Variants in PRC1 observed in about 807,000 individuals in gnomAD.
The protein encoded by PRC1 is protein regulator of cytokinesis 1.
A neutral mutation model predicts 91.2 loss-of-function variants in PRC1; 54 were observed. That is an observed-to-expected ratio of 0.59 (90% CI 0.48 to 0.74). PRC1 has a LOEUF of 0.74. Among genes scored for constraint, PRC1 ranks in the 30% least tolerant of loss-of-function variants. The pLI, the probability that PRC1 is intolerant of heterozygous loss-of-function variation, is 0.00. For synonymous variants in PRC1, 275 were observed against 263.6 expected, an observed-to-expected ratio of 1.04 and a Z score of -0.42; for missense variants, 727 against 746.2, an observed-to-expected ratio of 0.97 and a Z score of 0.30.
chr15:90,991,031 C>T (rs188423069), intron 1 of PRC1, among the ~76,000 whole-genome samples: 1 of 151,534 alleles, frequency 6.6e-6, no homozygotes, highest in Non-Finnish European at 1.5e-5. Flanking sequence ...ACCGCCTCGG[C>T]CTCCCAAAGT....
chr15:90,986,893 G>GAA (rs56935179), intron 1 of PRC1, among the ~76,000 whole-genome samples: 77 of 145,040 alleles, frequency 5.3e-4, no homozygotes, highest in African/African-American at 9.6e-4. Flanking sequence ...GAAGAGGAAG[G>GAA]AAAAAAAAAA....
At chr15:90,976,593 G>A (rs1050978913) in intron 9 of PRC1, 83 bp downstream of exon 9, 10 of 1,167,690 alleles carry the variant, frequency 8.6e-6, no homozygotes, top group Middle Eastern at 3.9e-4. Context: ...TAGTTTTGGG[G>A]CTAAACAATA....
chr15:90,968,241 C>T (rs2037709046), intron 14 of PRC1: 1 of 985,410 alleles, frequency 1.0e-6, no homozygotes, highest in Non-Finnish European at 1.2e-6. Context: ...GCCAGAGTGA[C>T]ACACACCCAC....
At position 90,974,367 on chromosome 15, in the gene PRC1, G is replaced by A. The variant is rs1055189761; in HGVS notation, c.1351-121C>T. The stretch of plus-strand genomic sequence containing the variant: ...CTACAGCCAGAGCTAAAGAGCTGCC[G>A]CGGGCTCCCCGTTCCACAAGCCCCG... On this transcript the variant is annotated intron_variant, in intron 10 of 14. Coordinates refer to ENST00000394249, the MANE Select transcript of PRC1 (RefSeq NM_003981.4). This position sits in a 1 kb window ranked among gnomAD's most constrained non-coding sequence, Gnocchi z 4.6. The A allele has an allele frequency of 1.4e-5, 14 of 1,034,014 alleles. No individual in the cohort carries two copies. The highest frequency in any genetic ancestry group is 5.0e-5 in the East Asian group (2 of 39,992). 64.1% of individuals were successfully genotyped at this position (1,034,014 alleles called of 1,614,324 possible).
intron 9 of PRC1, among the ~76,000 whole-genome samples, chr15:90,975,484 A>C (rs1169350862): frequency 6.6e-6 from 1 of 152,220 alleles, no homozygotes; most frequent in Non-Finnish European, 1.5e-5. Context: ...TCACTAAATG[A>C]GAGCGTTTTG....
intron 1 of PRC1, among the ~76,000 whole-genome samples, chr15:90,993,442 G>A (rs1451890420): frequency 6.6e-6 from 1 of 152,110 alleles, no homozygotes; most frequent in Non-Finnish European, 1.5e-5. Context: ...CTGAGGGCAA[G>A]CATTTTAAAA....
chr15:90,991,197 C>G (rs1174490184), intron 1 of PRC1, among the ~76,000 whole-genome samples: 1 of 151,712 alleles, frequency 6.6e-6, no homozygotes, highest in Admixed American at 6.6e-5. Context: ...GGGCGGATCA[C>G]CTGAGATCAG....
At chr15:90,976,901 C>T (rs12595025) in intron 8 of PRC1, 130 bp from the exon 9 acceptor site, 112,499 of 654,552 alleles carry the variant, frequency 0.17, 12,423 homozygotes, top group East Asian at 0.49. Context: ...GAGGCCGAGG[C>T]GAGTGGATCA....
At chr15:90,975,144 C>T (rs543803803) in intron 9 of PRC1, among the ~76,000 whole-genome samples, 4 of 152,318 alleles carry the variant, frequency 2.6e-5, no homozygotes, top group South Asian at 2.1e-4. Flanking sequence ...CTCACTCTGT[C>T]GCCCAGGCTA....
chr15:90,986,306 T>G (rs950292582), intron 1 of PRC1, among the ~76,000 whole-genome samples: 13 of 152,202 alleles, frequency 8.5e-5, no homozygotes, highest in Non-Finnish European at 1.6e-4. Context: ...GAATAGTACA[T>G]TCCTACAATG....
In PRC1 at chr15:90,980,993, C is replaced by A. The variant is rs1332842819; in HGVS notation, c.713G>T (p.Gly238Val). The A allele has an allele frequency of 6.2e-7, 1 of 1,614,196 alleles. No homozygotes were observed. ...GAGCTCTCGGATTTGAGTACGCAGC[C>A]CCTCACACACTGCTTCATTTTGTGA... ...QKSQNEAVCE[G>V]LRTQIRELWD... Residue 238 changes from glycine (G) to valine (V), a missense_variant, in exon 6 of 15, where the codon GGG becomes GTG. Gly to Val is a moderately radical substitution (Grantham distance 109). Transcript: ENST00000394249.
At chr15:90,975,374 G>A (rs945909038) in intron 9 of PRC1, among the ~76,000 whole-genome samples, 28 of 152,090 alleles carry the variant, frequency 1.8e-4, no homozygotes, top group African/African-American at 5.3e-4. Flanking sequence ...GAGACACCAC[G>A]CCCGGCCAGA....
chr15:90,993,885 C>T (rs548773281), intron 1 of PRC1, among the ~76,000 whole-genome samples: 2 of 151,874 alleles, frequency 1.3e-5, no homozygotes, highest in Non-Finnish European at 2.9e-5. Context: ...GAGTTCGAGA[C>T]CAGCCTGGCC....
intron 1 of PRC1, among the ~76,000 whole-genome samples, chr15:90,990,864 T>C (rs938492978): frequency 5.9e-5 from 9 of 151,844 alleles, no homozygotes; most frequent in Admixed American, 3.9e-4. Context: ...CTGCAACCTC[T>C]GCCTTCTGGG....
rs757317008 is a variant in PRC1, at chr15:90,970,390, CAG to C, written c.1572+12_1572+13del. Reference sequence around the variant, plus strand: ...ACGCATGTGAGGATGTGCTTAGACACAGGGCATACTAACCTTGCTGCCAGAAG... The same window carrying C: ...ACGCATGTGAGGATGTGCTTAGACACGGCATACTAACCTTGCTGCCAGAAG... On this transcript the variant is annotated intron_variant, in intron 12 of 14. Transcript: ENST00000394249. The C allele has an allele frequency of 1.2e-5, 18 of 1,560,440 alleles. No individual in the cohort carries two copies. Among genetic ancestry groups the C allele is most frequent in the African/African-American group, 9.5e-5 (7 of 73,636 alleles).
chr15:90,994,263 A>G (rs2040163182), intron 1 of PRC1, 144 bp downstream of exon 1: 14 of 1,311,654 alleles, frequency 1.1e-5, no homozygotes, highest in Admixed American at 4.3e-5. Flanking sequence ...CCTGCCCCTC[A>G]GCGCCCCCGG....
chr15:90,991,237 G>A (rs1213259020), intron 1 of PRC1, among the ~76,000 whole-genome samples: 1 of 150,954 alleles, frequency 6.6e-6, no homozygotes, highest in Non-Finnish European at 1.5e-5. Context: ...CCAACATGGT[G>A]AAACCCCATC....
chr15:90,966,580 C>G lies in PRC1; in HGVS notation c.*551G>C, dbSNP rs2037505895. The G allele has an allele frequency of 2.2e-6, 1 of 456,148 alleles. No individual in the cohort carries two copies. Among genetic ancestry groups the G allele is most frequent in the Non-Finnish European group, 4.4e-6 (1 of 226,834 alleles). 28.3% of individuals were successfully genotyped at this position (456,148 alleles called of 1,614,324 possible). The stretch of plus-strand genomic sequence containing the variant: ...ACAAAGCTGCTCCCAGCCTTCCTGT[C>G]ACCTCTTTGGCAGTAGGGCAGGCCA... On this transcript the variant is annotated 3_prime_UTR_variant, in exon 15 of 15. Coordinates refer to ENST00000394249, the MANE Select transcript of PRC1 (RefSeq NM_003981.4).
chr15:90,970,090 G>C lies in PRC1; in HGVS notation c.1572+314C>G, dbSNP rs78655372. Among the ~76,000 whole-genome samples, 583 of 152,206 alleles carry C rather than the reference G, an allele frequency of 3.8e-3. 8 individuals are homozygous for C. The highest frequency in any genetic ancestry group is 0.014 in the African/African-American group (561 of 41,524). ...TTCACTGGGCTAGAACCCACATGTA[G>C]GGGACCTATCTCCATACCAGCTGAG... On this transcript the variant is annotated intron_variant, in intron 12 of 14. Transcript: ENST00000394249.
Sources: allele counts gnomAD v4.1 joint callset (sites outside exome capture counted in the v4.1 genomes callset), GRCh38; gene constraint gnomAD v4.1.1; non-coding constraint Gnocchi (gnomAD v3.1); transcripts MANE v1.5; gene names NCBI Gene and HGNC (gene_info 2026-07-23, HGNC 2026-07-21).